The following GMDS variants were observed in gnomAD, a reference collection of about 807,000 sequenced individuals.
GMDS encodes GDP-mannose 4,6-dehydratase.
Under a neutral mutation model 49.9 loss-of-function variants are expected in GMDS, and 20 were observed. That is an observed-to-expected ratio of 0.40 (90% confidence interval 0.28 to 0.58). GMDS has a LOEUF of 0.58. Among genes scored for constraint, GMDS ranks in the 20% least tolerant of loss-of-function variants. GMDS has a pLI of 0.42. For synonymous variants in GMDS, 177 were observed against 178.6 expected (o/e 0.99, Z 0.07); for missense variants, 362 against 481.4 (o/e 0.75, Z 2.32).
chr6:2,088,854 G>T (rs1413583594), intron 4 of GMDS, among the ~76,000 whole-genome samples: 1 of 152,086 alleles, frequency 6.6e-6, no homozygotes, highest in Non-Finnish European at 1.5e-5. Flanking sequence ...GAGCACAAAG[G>T]ACAATCCACA....
intron 4 of GMDS, among the ~76,000 whole-genome samples, chr6:2,009,230 T>A (rs529852977): frequency 1.3e-5 from 2 of 152,210 alleles, no homozygotes; most frequent in Admixed American, 6.5e-5. Context: ...TATTTCCTGA[T>A]TGACATTTGG....
chr6:2,139,980 C>T (rs938896204), intron 1 of GMDS, among the ~76,000 whole-genome samples: 3 of 152,104 alleles, frequency 2.0e-5, no homozygotes, highest in African/African-American at 7.2e-5. Flanking sequence ...GTGCGAAGCG[C>T]GAGCAAAGTG....
intron 7 of GMDS, among the ~76,000 whole-genome samples, chr6:1,774,007 TATTTGAAGCCAAAC>T (rs1229055746): frequency 6.6e-6 from 1 of 152,218 alleles, no homozygotes; most frequent in Non-Finnish European, 1.5e-5. Context: ...AATGACAAAC[TATTTGAAGCCAAAC>T]ATGACGTACA....
chr6:1,778,458 G>A lies in GMDS; in HGVS notation c.772-35872C>T, dbSNP rs1371913419. On this transcript the variant is annotated intron_variant, in intron 7 of 10. Transcript: ENST00000380815. The surrounding 1 kb of genome is among the most constrained non-coding windows in gnomAD (Gnocchi z 4.6). ...GGGCACTGTGCTGAGGAGTGGCCAA[G>A]GAACTGTGGAATTCAAGAGGAGGGG... Among the ~76,000 whole-genome samples the A allele has an allele frequency of 6.6e-6, 1 of 152,200 alleles. No homozygotes were observed. Among genetic ancestry groups the A allele is most frequent in the African/African-American group, 2.4e-5 (1 of 41,446 alleles).
intron 4 of GMDS, among the ~76,000 whole-genome samples, chr6:2,090,684 G>A (rs532290706): frequency 6.6e-6 from 1 of 152,174 alleles, no homozygotes; most frequent in South Asian, 2.1e-4. Context: ...TTTTGGAATG[G>A]TGCTATGTTT....
At chr6:2,030,082 C>A (rs1328462559) in intron 4 of GMDS, among the ~76,000 whole-genome samples, 1 of 148,502 alleles carries the variant, frequency 6.7e-6, no homozygotes, top group East Asian at 2.0e-4. Context: ...AAGCGGGTGC[C>A]CACACAGAGA....
chr6:1,718,631 T>A (rs574643136), intron 9 of GMDS, among the ~76,000 whole-genome samples: 1 of 152,170 alleles, frequency 6.6e-6, no homozygotes, highest in Non-Finnish European at 1.5e-5. Context: ...AGAGTTTCTA[T>A]TGGACAAGGA....
At chr6:1,841,594 G>A (rs1019306373) in intron 7 of GMDS, among the ~76,000 whole-genome samples, 6 of 152,156 alleles carry the variant, frequency 3.9e-5, no homozygotes, top group Non-Finnish European at 8.8e-5. Flanking sequence ...GAAAGGGGAC[G>A]CTATTAATAT....
chr6:2,116,579 A>C (rs1179729820), intron 3 of GMDS, among the ~76,000 whole-genome samples: 1 of 152,230 alleles, frequency 6.6e-6, no homozygotes, highest in Non-Finnish European at 1.5e-5. Context: ...AACACACTTC[A>C]TGACTTAAAG....
intron 4 of GMDS, among the ~76,000 whole-genome samples, chr6:2,076,768 G>T (rs887149588): frequency 6.6e-6 from 1 of 152,222 alleles, no homozygotes; most frequent in South Asian, 2.1e-4. Flanking sequence ...ATTCAAGATG[G>T]ATTAAAGACT....
At chr6:1,913,658 T>C (rs1201153656) in intron 7 of GMDS, among the ~76,000 whole-genome samples, 1 of 152,154 alleles carries the variant, frequency 6.6e-6, no homozygotes, top group Admixed American at 6.5e-5. Flanking sequence ...AAGCCCATAG[T>C]ATAAGTTTTC....
chr6:2,208,867 A>AC (rs1248502608), intron 1 of GMDS, among the ~76,000 whole-genome samples: 1 of 151,816 alleles, frequency 6.6e-6, no homozygotes, highest in Non-Finnish European at 1.5e-5. Flanking sequence ...AAAAAAAAAA[A>AC]AAACTATTAG....
At chr6:2,133,750 G>A (rs2127520698) in intron 1 of GMDS, among the ~76,000 whole-genome samples, 1 of 152,288 alleles carries the variant, frequency 6.6e-6, no homozygotes. Flanking sequence ...GAGCGTAAAT[G>A]TAGAAATCTG....
intron 9 of GMDS, among the ~76,000 whole-genome samples, chr6:1,702,207 A>T (rs1042000251): frequency 6.6e-6 from 1 of 152,254 alleles, no homozygotes; most frequent in African/African-American, 2.4e-5. Context: ...GTAAAGGTGC[A>T]GCTTAACTCA....
chr6:2,033,908 C>G (rs545404709), intron 4 of GMDS, among the ~76,000 whole-genome samples: 2 of 152,042 alleles, frequency 1.3e-5, no homozygotes, highest in Non-Finnish European at 2.9e-5. Flanking sequence ...GAATCAGATC[C>G]GAAGGAGACT....
intron 4 of GMDS, among the ~76,000 whole-genome samples, chr6:2,075,862 C>T (rs1772307327): frequency 6.6e-6 from 1 of 152,214 alleles, no homozygotes; most frequent in African/African-American, 2.4e-5. Flanking sequence ...AACTAGTTCA[C>T]AGTCCCACCA....
At chr6:1,748,451 T>C (rs534214515) in intron 7 of GMDS, among the ~76,000 whole-genome samples, 1 of 152,256 alleles carries the variant, frequency 6.6e-6, no homozygotes, top group African/African-American at 2.4e-5. Flanking sequence ...CCTGTTCACC[T>C]GATTGTTTTA....
intron 9 of GMDS, among the ~76,000 whole-genome samples, chr6:1,642,910 T>A (rs1028926796): frequency 6.6e-6 from 1 of 152,280 alleles, no homozygotes; most frequent in Non-Finnish European, 1.5e-5. Context: ...CCTTCCTCAC[T>A]GAGTTTTTTC....
intron 7 of GMDS, among the ~76,000 whole-genome samples, chr6:1,859,033 C>T (rs777529413): frequency 6.6e-6 from 1 of 152,050 alleles, no homozygotes; most frequent in Non-Finnish European, 1.5e-5. Context: ...TCTGAGGTGA[C>T]GCAGTCTGCC....
Sources: allele counts gnomAD v4.1 joint callset (sites outside exome capture counted in the v4.1 genomes callset), GRCh38; gene constraint gnomAD v4.1.1; non-coding constraint Gnocchi (gnomAD v3.1); transcripts MANE v1.5; gene names NCBI Gene and HGNC (gene_info 2026-07-23, HGNC 2026-07-21).